WWOX: variants seen among roughly 807,000 people sequenced by gnomAD.
WWOX encodes the protein WW domain containing oxidoreductase, also known as WW domain-containing oxidoreductase.
Under a neutral mutation model 46.2 loss-of-function variants are expected in WWOX, and 69 were observed. The observed-to-expected ratio is 1.49, with a 90% CI of 1.23 to 1.82. WWOX has a LOEUF of 1.82. WWOX is among the 40% of genes most tolerant of loss of function. The pLI, the probability that WWOX is intolerant of heterozygous loss-of-function variation, is 0.00. For missense variants in WWOX, 919 were observed against 542.6 expected, an observed-to-expected ratio of 1.69 and a Z score of -6.89; for synonymous variants, 359 against 202.6, an observed-to-expected ratio of 1.77 and a Z score of -6.56.
intron 8 of WWOX, among the ~76,000 whole-genome samples, chr16:79,013,636 C>T (rs937511722): frequency 1.3e-5 from 2 of 152,042 alleles, no homozygotes; most frequent in Non-Finnish European, 2.9e-5. Context: ...GCCTGGGTCC[C>T]GGGTCTCCTC....
At chr16:78,378,779 T>C (rs1422510570) in intron 5 of WWOX, among the ~76,000 whole-genome samples, 1 of 152,226 alleles carries the variant, frequency 6.6e-6, no homozygotes, top group Non-Finnish European at 1.5e-5. Flanking sequence ...CAATAAGCTC[T>C]GAGTGTAGAT....
intron 8 of WWOX, 56 bp downstream of exon 8, chr16:78,432,808 A>G (rs532315167): frequency 1.6e-5 from 25 of 1,612,652 alleles, no homozygotes; most frequent in East Asian, 8.9e-5. Context: ...AAACCTGCAC[A>G]CTTGTGTCTC....
At chr16:78,798,019 A>C (rs2050789130) in intron 8 of WWOX, among the ~76,000 whole-genome samples, 1 of 152,060 alleles carries the variant, frequency 6.6e-6, no homozygotes, top group South Asian at 2.1e-4. Context: ...CTAAAAATTC[A>C]CTGGAGCTAT....
chr16:79,042,496 G>A (rs1330461737), intron 8 of WWOX, among the ~76,000 whole-genome samples: 5 of 152,180 alleles, frequency 3.3e-5, no homozygotes, highest in East Asian at 3.9e-4. Context: ...GATCCTATTC[G>A]CATGATAAAA....
At chr16:78,911,846 A>T (rs1030245101) in intron 8 of WWOX, among the ~76,000 whole-genome samples, 15 of 152,086 alleles carry the variant, frequency 9.9e-5, no homozygotes, top group African/African-American at 3.6e-4. Flanking sequence ...AGCCTGGGTG[A>T]CAGAGCAGGA....
At chr16:79,076,329 C>A (rs886541338) in intron 8 of WWOX, among the ~76,000 whole-genome samples, 2 of 152,158 alleles carry the variant, frequency 1.3e-5, no homozygotes, top group African/African-American at 4.8e-5. Context: ...CTATCTTGGG[C>A]CTTCTTGGAA....
At chr16:78,901,701 C>G (rs1330871903) in intron 8 of WWOX, among the ~76,000 whole-genome samples, 6 of 152,210 alleles carry the variant, frequency 3.9e-5, no homozygotes, top group African/African-American at 1.4e-4. Flanking sequence ...GTTGCCCAGG[C>G]TGGTCTTGAA....
At chr16:78,816,852 A>T (rs1164332882) in intron 8 of WWOX, among the ~76,000 whole-genome samples, 1 of 152,116 alleles carries the variant, frequency 6.6e-6, no homozygotes, top group Admixed American at 6.6e-5. Flanking sequence ...AATCTATTTC[A>T]GTTTCCAAAA....
At chr16:78,870,240 G>C (rs967953562) in intron 8 of WWOX, among the ~76,000 whole-genome samples, 3 of 152,140 alleles carry the variant, frequency 2.0e-5, no homozygotes, top group Non-Finnish European at 4.4e-5. Flanking sequence ...CAGGACTCTG[G>C]TTTCTGTTTT....
chr16:78,388,258 T>A (rs1466220010), intron 6 of WWOX, among the ~76,000 whole-genome samples: 1 of 152,188 alleles, frequency 6.6e-6, no homozygotes, highest in Admixed American at 6.5e-5. Context: ...CTCAAACTCC[T>A]GGCCTCAGGT....
chr16:78,450,017 A>T (rs2083655044), intron 8 of WWOX, among the ~76,000 whole-genome samples: 2 of 150,880 alleles, frequency 1.3e-5, no homozygotes, highest in South Asian at 2.1e-4. Context: ...GATTTTTTTT[A>T]AGCAGGAAGC....
At chr16:78,642,008 AAAG>A (rs1437187047) in intron 8 of WWOX, among the ~76,000 whole-genome samples, 1 of 152,208 alleles carries the variant, frequency 6.6e-6, no homozygotes, top group African/African-American at 2.4e-5. Context: ...AGAGGGGGAA[AAAG>A]AAGAAAAACA....
intron 8 of WWOX, among the ~76,000 whole-genome samples, chr16:78,508,149 C>G (rs2738739): frequency 0.75 from 113,190 of 151,552 alleles, 46,935 homozygotes; most frequent in Non-Finnish European, 0.94. Context: ...GTTGAGATTA[C>G]AGGTGCCCAC....
At chr16:78,366,888 G>T (rs72796003) in intron 5 of WWOX, among the ~76,000 whole-genome samples, 1 of 150,094 alleles carries the variant, frequency 6.7e-6, no homozygotes, top group African/African-American at 2.5e-5. Flanking sequence ...TTTCAAACTT[G>T]CTTAATCCAA....
intron 8 of WWOX, among the ~76,000 whole-genome samples, chr16:78,761,772 C>T (rs550106543): frequency 1.3e-5 from 2 of 152,168 alleles, no homozygotes; most frequent in Non-Finnish European, 2.9e-5. Context: ...GTATTAACCC[C>T]TTGGTGTGAG....
chr16:78,338,888 A>T lies in WWOX; in HGVS notation c.517-47972A>T, dbSNP rs1458500135. Among the ~76,000 whole-genome samples the T allele has an allele frequency of 2.5e-5, 3 of 120,998 alleles. 1 individual carries two copies. Among genetic ancestry groups the T allele is most frequent in the African/African-American group, 8.4e-5 (3 of 35,928 alleles). The allele number at this position is 120,998 out of a possible 152,430, so 79.4% of individuals were successfully genotyped here. A position where few individuals can be genotyped will look rare whatever the true frequency, so the allele number is the denominator to read the frequency against. Reference sequence around the variant, plus strand: ...AGTCAGGTATGTCTATTAAATTTTTACGTAAAAAGTTAAAGCAGCCCTCAG... The same window carrying T: ...AGTCAGGTATGTCTATTAAATTTTTTCGTAAAAAGTTAAAGCAGCCCTCAG... On this transcript the variant is annotated intron_variant, in intron 5 of 8. Transcript: ENST00000566780.
chr16:79,202,768 GTATTTACATA>G (rs1371367987), intron 8 of WWOX: 3 of 152,150 alleles, frequency 2.0e-5, no homozygotes, highest in Non-Finnish European at 2.9e-5. Flanking sequence ...TAGCTTGTTA[GTATTTACATA>G]TATTTACATA....
chr16:79,155,897 T>C (rs1439311485), intron 8 of WWOX, among the ~76,000 whole-genome samples: 1 of 146,112 alleles, frequency 6.8e-6, no homozygotes, highest in African/African-American at 2.7e-5. Context: ...TTCCAGTTGT[T>C]TTTTTTTTAA....
chr16:78,178,664 G>A (rs1025067778), intron 5 of WWOX, among the ~76,000 whole-genome samples: 5 of 152,090 alleles, frequency 3.3e-5, no homozygotes, highest in East Asian at 1.9e-4. Context: ...TTAGGAGTTC[G>A]AGACCAGCCT....
Sources: gnomAD v4.1 joint callset for allele counts (sites outside exome capture counted in the v4.1 genomes callset) on GRCh38, gnomAD v4.1.1 for gene constraint, MANE v1.5 for transcripts, NCBI Gene and HGNC (gene_info 2026-07-23, HGNC 2026-07-21) for gene names.